The following FYN variants were observed in gnomAD, a reference collection of about 807,000 sequenced individuals.
The protein encoded by FYN is tyrosine-protein kinase Fyn.
Under a neutral mutation model 70.2 loss-of-function variants are expected in FYN, and 10 were observed. The ratio of observed to expected loss-of-function variants is 0.14; its 90% CI spans 0.09 to 0.24. FYN has a LOEUF of 0.24. FYN is among the 10% of genes least tolerant of loss of function. The pLI is 1.00. For synonymous variants in FYN, 236 were observed against 248.6 expected, an observed-to-expected ratio of 0.95 and a Z score of 0.48; for missense variants, 319 against 673.1, an observed-to-expected ratio of 0.47 and a Z score of 5.82.
chr6:111,737,057 A>G (rs1218691304), intron 3 of FYN, among the ~76,000 whole-genome samples: 1 of 152,096 alleles, frequency 6.6e-6, no homozygotes, highest in African/African-American at 2.4e-5. Flanking sequence ...TCTTGTCACT[A>G]TTTGTTTTGT....
chr6:111,668,169 G>A (rs1417188712), intron 13 of FYN, among the ~76,000 whole-genome samples: 1 of 152,250 alleles, frequency 6.6e-6, no homozygotes, highest in Non-Finnish European at 1.5e-5. Context: ...GCATGTGCTT[G>A]TATTAACAGA....
At chr6:111,703,084 T>C in intron 7 of FYN, 50 bp from the exon 8 acceptor site, 1 of 1,587,268 alleles carries the variant, frequency 6.3e-7, no homozygotes, top group Non-Finnish European at 8.6e-7. Flanking sequence ...GAGTATCAGC[T>C]TGCTTTTTAG....
chr6:111,854,017 C>T (rs80119093), intron 1 of FYN, among the ~76,000 whole-genome samples: 4,689 of 152,252 alleles, frequency 0.031, 155 homozygotes, highest in African/African-American at 0.076. Flanking sequence ...AGTGTCCTTC[C>T]CTTTGTCTGC....
chr6:111,743,387 T>C (rs1203405849), intron 3 of FYN, among the ~76,000 whole-genome samples: 1 of 152,270 alleles, frequency 6.6e-6, no homozygotes. Context: ...CCACATGTTT[T>C]ATAACAGATC....
intron 6 of FYN, among the ~76,000 whole-genome samples, chr6:111,707,237 T>G (rs1005765283): frequency 7.2e-5 from 11 of 152,226 alleles, no homozygotes; most frequent in South Asian, 2.1e-4. Flanking sequence ...GTTCTTCCCC[T>G]TGGGAGTGCC....
rs1216614788 is a variant in FYN, at chr6:111,873,390, C to G, written c.-545G>C. ...CCGGCTCCGCTCCTGACAGATGGCG[C>G]AACTGCAACGACGCGCCGCCGCCAC... On this transcript the variant is annotated 5_prime_UTR_variant, in exon 1 of 14. Coordinates refer to ENST00000354650, the MANE Select transcript of FYN (RefSeq NM_002037.5). 3 of 151,754 alleles carry G rather than the reference C, an allele frequency of 2.0e-5. No individual in the cohort carries two copies. The highest frequency in any genetic ancestry group is 4.4e-5 in the Non-Finnish European group (3 of 67,914). The allele number at this position is 151,754 out of a possible 1,614,324, so 9.4% of individuals were successfully genotyped here.
intron 1 of FYN, among the ~76,000 whole-genome samples, chr6:111,851,098 G>A (rs931127330): frequency 1.3e-5 from 2 of 152,152 alleles, no homozygotes; most frequent in Non-Finnish European, 2.9e-5. Context: ...TGAGGGGCAC[G>A]TGATGAACAT....
chr6:111,741,672 G>A (rs531339099), intron 3 of FYN, among the ~76,000 whole-genome samples: 3 of 152,148 alleles, frequency 2.0e-5, no homozygotes, highest in Non-Finnish European at 4.4e-5. Flanking sequence ...GATCTTAGAG[G>A]ACATTTGGTC....
At chr6:111,671,751 A>G (rs1219818025) in intron 13 of FYN, among the ~76,000 whole-genome samples, 1 of 152,204 alleles carries the variant, frequency 6.6e-6, no homozygotes, top group Admixed American at 6.5e-5. Flanking sequence ...AAGAATGCAG[A>G]GAGGAAGGTC....
intron 13 of FYN, among the ~76,000 whole-genome samples, chr6:111,662,197 T>G (rs994921837): frequency 2.6e-5 from 4 of 152,060 alleles, no homozygotes; most frequent in African/African-American, 9.7e-5. Context: ...ACAGGCAACA[T>G]ACGGTATGAT....
intron 1 of FYN, 89 bp downstream of exon 1, chr6:111,872,879 C>G (rs1562553567): frequency 1.3e-5 from 2 of 150,984 alleles, no homozygotes; most frequent in Non-Finnish European, 3.0e-5. Flanking sequence ...GGCCCTGCGG[C>G]GGGGGCGGCG....
chr6:111,775,768 G>A (rs1770908589), intron 3 of FYN, among the ~76,000 whole-genome samples: 1 of 152,176 alleles, frequency 6.6e-6, no homozygotes, highest in Admixed American at 6.5e-5. Flanking sequence ...GTCTGGGGTA[G>A]GCCAGGATCT....
intron 2 of FYN, among the ~76,000 whole-genome samples, chr6:111,804,294 TG>T (rs1220524046): frequency 6.6e-6 from 1 of 151,954 alleles, no homozygotes; most frequent in African/African-American, 2.4e-5. Flanking sequence ...ATGGGGGAAC[TG>T]GGGGGAACTG....
chr6:111,764,434 G>C (rs1276958674), intron 3 of FYN, among the ~76,000 whole-genome samples: 4 of 152,100 alleles, frequency 2.6e-5, no homozygotes, highest in Non-Finnish European at 4.4e-5. Context: ...AGCTCCCCAG[G>C]TGATCTGGTT....
chr6:111,849,546 A>G lies in FYN; in HGVS notation c.-122-2917T>C, dbSNP rs542148941. On this transcript the variant is annotated intron_variant, in intron 1 of 13. Coordinates refer to ENST00000354650, the MANE Select transcript of FYN (RefSeq NM_002037.5). ...GCCTGACAGTGCTGCACAACAGAGG[A>G]GTGGCTAGGAGGATGGTGGCAGGCT... 3.3e-5 allele frequency among the ~76,000 whole-genome samples: 5 copies of G among 152,294 alleles called. No individual in the cohort carries two copies. The East Asian group carries it at 9.7e-4, about 29-fold the overall frequency.
chr6:111,760,597 T>C (rs1802962898), intron 3 of FYN, among the ~76,000 whole-genome samples: 1 of 152,146 alleles, frequency 6.6e-6, no homozygotes, highest in Non-Finnish European at 1.5e-5. Context: ...AGCAGTGGCG[T>C]GTGTGGGCAG....
intron 1 of FYN, among the ~76,000 whole-genome samples, chr6:111,849,133 G>T (rs1205598913): frequency 1.3e-5 from 2 of 152,146 alleles, no homozygotes; most frequent in African/African-American, 4.8e-5. Flanking sequence ...TATTCTTCTT[G>T]CTGAAGCAGT....
intron 2 of FYN, among the ~76,000 whole-genome samples, chr6:111,826,027 G>C (rs982402563): frequency 6.6e-6 from 1 of 152,118 alleles, no homozygotes; most frequent in Non-Finnish European, 1.5e-5. Flanking sequence ...ACAACCATGG[G>C]AGTAGAAGCA....
rs753221381 is a variant in FYN, at chr6:111,661,820, G to A, written c.1533C>T (p.Pro511=). The change falls in exon 14 of 14, where the codon CCC becomes CCT. Residue 511 remains proline, a synonymous_variant. Transcript: ENST00000354650. The surrounding 1 kb of genome is among the most constrained non-coding windows in gnomAD (Gnocchi z 4.0). ...GGAAGCTCTGCAAGTACTCAAAAGT[G>A]GGGCGTTCTTCAGGGTCCTTTTTCC... is the stretch of plus-strand genomic sequence containing the variant. ...HCWKKDPEER[P]TFEYLQSFLE... The A allele has an allele frequency of 3.7e-6, 6 of 1,614,060 alleles. No homozygotes were observed. The South Asian group carries it at 4.4e-5, about 12-fold the overall frequency.
Sources: gnomAD v4.1 joint callset for allele counts (sites outside exome capture counted in the v4.1 genomes callset) on GRCh38, gnomAD v4.1.1 for gene constraint, Gnocchi (gnomAD v3.1) non-coding constraint, MANE v1.5 for transcripts, NCBI Gene and HGNC (gene_info 2026-07-23, HGNC 2026-07-21) for gene names.